LRMDA: variants seen among roughly 807,000 people sequenced by gnomAD.
The protein encoded by LRMDA is leucine-rich melanocyte differentiation-associated protein.
LRMDA carries 18 observed loss-of-function variants against 29.8 expected under a neutral mutation model. The observed-to-expected ratio is 0.60, with a 90% CI of 0.42 to 0.90. The LOEUF (loss-of-function observed/expected upper bound fraction) is 0.90. Among genes scored for constraint, LRMDA ranks in the 40% least tolerant of loss-of-function variants. The pLI is 0.00. For synonymous variants in LRMDA, 125 were observed against 109.4 expected (o/e 1.14, Z -0.89); for missense variants, 273 against 273.9 (o/e 1.00, Z 0.02).
At chr10:75,530,932 T>C (rs978993560) in intron 2 of LRMDA, among the ~76,000 whole-genome samples, 1 of 152,200 alleles carries the variant, frequency 6.6e-6, no homozygotes, top group Non-Finnish European at 1.5e-5. Flanking sequence ...TGGTAACTAA[T>C]AGTTCACTAT....
chr10:76,155,544 G>C (rs1304071643), intron 5 of LRMDA, among the ~76,000 whole-genome samples: 2 of 152,100 alleles, frequency 1.3e-5, no homozygotes, highest in African/African-American at 4.8e-5. Context: ...TTTCCTTTCT[G>C]AGCTGAGATA....
chr10:75,578,886 T>C (rs1840547971), intron 2 of LRMDA, among the ~76,000 whole-genome samples: 1 of 145,370 alleles, frequency 6.9e-6, no homozygotes, highest in African/African-American at 2.5e-5. Context: ...AGACACAGCA[T>C]ACAAGAATCT....
At chr10:76,249,214 T>C (rs1455235715) in intron 5 of LRMDA, among the ~76,000 whole-genome samples, 1 of 152,266 alleles carries the variant, frequency 6.6e-6, no homozygotes, top group Non-Finnish European at 1.5e-5. Context: ...TGCTGTTTTC[T>C]ATTCTTGCTT....
rs181159443 is a variant in LRMDA at position 76,239,929 on chromosome 10, T to C, written c.517-84472T>C. 2.1e-3 allele frequency among the ~76,000 whole-genome samples: 324 copies of C among 152,102 alleles called. 1 individual carries two copies. The highest frequency in any genetic ancestry group is 7.1e-3 in the African/African-American group (294 of 41,498). On this transcript the variant is annotated intron_variant, in intron 5 of 6. Coordinates refer to ENST00000611255, the MANE Select transcript of LRMDA (RefSeq NM_001305581.2). ...TTTATGTATATATACTTATATATAATGTATATATACATACACAAGCATATG... is the reference window on the plus strand; with the variant it reads ...TTTATGTATATATACTTATATATAACGTATATATACATACACAAGCATATG...
intron 2 of LRMDA, among the ~76,000 whole-genome samples, chr10:75,930,099 C>A (rs1473054812): frequency 6.6e-6 from 1 of 152,190 alleles, no homozygotes; most frequent in East Asian, 1.9e-4. Flanking sequence ...TGAAGAAAAT[C>A]ATGAAACCTG....
chr10:76,334,101 C>T (rs540268966), intron 6 of LRMDA, among the ~76,000 whole-genome samples: 1 of 152,324 alleles, frequency 6.6e-6, no homozygotes, highest in South Asian at 2.1e-4. Context: ...AACATTTGTT[C>T]TCATTCTAGC....
chr10:76,143,047 T>C (rs1440862394), intron 5 of LRMDA, among the ~76,000 whole-genome samples: 1 of 152,202 alleles, frequency 6.6e-6, no homozygotes, highest in Non-Finnish European at 1.5e-5. Context: ...CTGCATAGTA[T>C]TCCATGGTGT....
At chr10:75,773,607 T>A (rs1277854306) in intron 2 of LRMDA, among the ~76,000 whole-genome samples, 1 of 152,218 alleles carries the variant, frequency 6.6e-6, no homozygotes, top group African/African-American at 2.4e-5. Context: ...TCACCTGAGG[T>A]CTAGGCCTGC....
chr10:76,549,939 G>C (rs1554827363), intron 6 of LRMDA, among the ~76,000 whole-genome samples: 1 of 152,190 alleles, frequency 6.6e-6, no homozygotes, highest in Non-Finnish European at 1.5e-5. Flanking sequence ...GCAGACTCAA[G>C]TCTTCTTGTC....
At chr10:76,337,325 G>A (rs756930945) in intron 6 of LRMDA, among the ~76,000 whole-genome samples, 1 of 152,140 alleles carries the variant, frequency 6.6e-6, no homozygotes, top group Non-Finnish European at 1.5e-5. Context: ...ACCACCACAT[G>A]GTATATCGGT....
At chr10:76,133,146 CA>C (rs1850029512) in intron 5 of LRMDA, among the ~76,000 whole-genome samples, 1 of 151,968 alleles carries the variant, frequency 6.6e-6, no homozygotes, top group Non-Finnish European at 1.5e-5. Context: ...AGGGTGACTT[CA>C]CTTTGGAATT....
intron 6 of LRMDA, among the ~76,000 whole-genome samples, chr10:76,368,051 G>A (rs1004896646): frequency 7.9e-5 from 12 of 151,994 alleles, no homozygotes; most frequent in Admixed American, 7.2e-4. Context: ...CAAAGAACCT[G>A]CCTTTTGTTT....
chr10:75,796,429 G>A (rs889168231), intron 2 of LRMDA, among the ~76,000 whole-genome samples: 1 of 151,936 alleles, frequency 6.6e-6, no homozygotes, highest in African/African-American at 2.4e-5. Flanking sequence ...GATTATATGG[G>A]TTTTCTCCTT....
chr10:75,856,742 A>AT (rs1456565846), intron 2 of LRMDA, among the ~76,000 whole-genome samples: 3 of 152,168 alleles, frequency 2.0e-5, no homozygotes, highest in African/African-American at 7.2e-5. Flanking sequence ...ATGGGCAAAA[A>AT]CTGGAAGCAT....
intron 2 of LRMDA, among the ~76,000 whole-genome samples, chr10:75,456,002 C>G (rs1048880978): frequency 6.6e-6 from 1 of 152,182 alleles, no homozygotes; most frequent in Non-Finnish European, 1.5e-5. Flanking sequence ...CTTCCCACAC[C>G]CAAAGACATA....
Position 76,211,450 on chromosome 10 carries a change from G to A in LRMDA, c.517-112951G>A, listed in dbSNP as rs1204834283. On this transcript the variant is annotated intron_variant, in intron 5 of 6. Coordinates refer to ENST00000611255, the MANE Select transcript of LRMDA (RefSeq NM_001305581.2). ...ACTGGACACATAGGTGACTACTCAA[G>A]AAGTCTTACTACACATCCAATAGCA... 3.3e-5 allele frequency among the ~76,000 whole-genome samples: 5 copies of A among 152,308 alleles called. No individual in the cohort carries two copies. In the East Asian group the frequency reaches 7.7e-4, roughly 24 times the overall value.
intron 2 of LRMDA, among the ~76,000 whole-genome samples, chr10:75,481,354 G>C (rs1235517895): frequency 6.6e-6 from 1 of 152,134 alleles, no homozygotes; most frequent in East Asian, 1.9e-4. Context: ...GCAATTTAAA[G>C]AGGAGGAAGT....
rs563974705 is a variant in LRMDA, at chr10:76,303,402, T to C, written c.517-20999T>C. Among the ~76,000 whole-genome samples, 5 of 151,736 alleles carry C rather than the reference T, an allele frequency of 3.3e-5. No homozygotes were observed. The East Asian group carries it at 9.7e-4, about 30-fold the overall frequency. ...TGGCGTGGTTCTGTGAAGCTGGAGGTTTTGTTCTGAGTCTTTTGTTCCACT... is the reference window on the plus strand; with the variant it reads ...TGGCGTGGTTCTGTGAAGCTGGAGGCTTTGTTCTGAGTCTTTTGTTCCACT... On this transcript the variant is annotated intron_variant, in intron 5 of 6. Coordinates refer to ENST00000611255, the MANE Select transcript of LRMDA (RefSeq NM_001305581.2).
intron 2 of LRMDA, among the ~76,000 whole-genome samples, chr10:75,441,202 A>G (rs1472713090): frequency 6.6e-6 from 1 of 152,176 alleles, no homozygotes; most frequent in East Asian, 1.9e-4. Flanking sequence ...GAAATATTGT[A>G]AATCCACATC....
Sources: gnomAD v4.1 joint callset for allele counts (sites outside exome capture counted in the v4.1 genomes callset) on GRCh38, gnomAD v4.1.1 for gene constraint, MANE v1.5 for transcripts, NCBI Gene and HGNC (gene_info 2026-07-23, HGNC 2026-07-21) for gene names.